METTL15: variants seen among roughly 807,000 people sequenced by gnomAD.
METTL15 encodes the protein methyltransferase 15, mitochondrial 12S rRNA N4-cytidine.
Under a neutral mutation model 38.3 loss-of-function variants are expected in METTL15, and 34 were observed. That is an observed-to-expected ratio of 0.89 (90% confidence interval 0.68 to 1.18). The LOEUF (loss-of-function observed/expected upper bound fraction) is 1.18. Ranked by LOEUF, METTL15 falls within the 50% of genes most tolerant of loss-of-function variation. The pLI, the probability that METTL15 is intolerant of heterozygous loss-of-function variation, is 0.00. For missense variants in METTL15, 438 were observed against 498.4 expected, an observed-to-expected ratio of 0.88 and a Z score of 1.15; for synonymous variants, 162 against 170.9, an observed-to-expected ratio of 0.95 and a Z score of 0.41.
intron 4 of METTL15, among the ~76,000 whole-genome samples, chr11:28,356,654 A>C (rs1444889771): frequency 6.6e-6 from 1 of 152,208 alleles, no homozygotes. Context: ...AGGCAGTGGC[A>C]TGAATTCTCA....
chr11:28,155,553 A>G (rs1850234999), intron 3 of METTL15, among the ~76,000 whole-genome samples: 1 of 152,146 alleles, frequency 6.6e-6, no homozygotes, highest in Admixed American at 6.5e-5. Context: ...TTAATGGCTT[A>G]TGGACCCTCT....
At chr11:28,144,376 T>C (rs142683819) in intron 3 of METTL15, among the ~76,000 whole-genome samples, 71 of 152,314 alleles carry the variant, frequency 4.7e-4, no homozygotes, top group Non-Finnish European at 9.9e-4. Context: ...AGGACTGCAG[T>C]GTACTTGGAC....
intron 3 of METTL15, among the ~76,000 whole-genome samples, chr11:28,179,420 A>G (rs1184586189): frequency 6.6e-6 from 1 of 151,768 alleles, no homozygotes; most frequent in Non-Finnish European, 1.5e-5. Flanking sequence ...TACTCAAATG[A>G]AGATATGTAA....
At chr11:28,325,285 A>C (rs1849597803) in intron 6 of METTL15, among the ~76,000 whole-genome samples, 2 of 152,190 alleles carry the variant, frequency 1.3e-5, no homozygotes, top group Non-Finnish European at 2.9e-5. Flanking sequence ...CAAGATGTAA[A>C]CATCCTACCT....
At chr11:28,506,760 T>A (rs898245068) in intron 6 of METTL15, among the ~76,000 whole-genome samples, 2 of 102,412 alleles carry the variant, frequency 2.0e-5, no homozygotes, top group African/African-American at 6.6e-5. Context: ...TTTTTTTTTT[T>A]TTGAGACAGA....
At chr11:28,465,258 C>A (rs1419493722) in intron 6 of METTL15, among the ~76,000 whole-genome samples, 1 of 152,076 alleles carries the variant, frequency 6.6e-6, no homozygotes, top group African/African-American at 2.4e-5. Flanking sequence ...GAGTTTTCTT[C>A]TTCTTTCATT....
intron 5 of METTL15, among the ~76,000 whole-genome samples, chr11:28,373,396 T>C (rs1225515067): frequency 6.6e-6 from 1 of 152,096 alleles, no homozygotes; most frequent in Non-Finnish European, 1.5e-5. Context: ...TTTTCATGTG[T>C]TTTTTGGCTG....
intron 5 of METTL15, among the ~76,000 whole-genome samples, chr11:28,412,068 C>T (rs1322596274): frequency 6.6e-6 from 1 of 151,814 alleles, no homozygotes; most frequent in African/African-American, 2.4e-5. Flanking sequence ...GTAAGGGTGG[C>T]TATTATCAAA....
At position 28,110,162 on chromosome 11, in the gene METTL15, C is replaced by T. The variant is rs1222406168; in HGVS notation, c.-253-4C>T. On this transcript the variant is annotated splice_region_variant and splice_polypyrimidine_tract_variant and intron_variant, in intron 1 of 6. Transcript: ENST00000407364. ...AATAGTGAGGTCTTATTTATTTCCCCCAGGAAAGTCGTTTGGAAACCCCAG... is the reference window on the plus strand; with the variant it reads ...AATAGTGAGGTCTTATTTATTTCCCTCAGGAAAGTCGTTTGGAAACCCCAG... The T allele has an allele frequency of 6.6e-6, 1 of 152,186 alleles. No individual in the cohort carries two copies. The highest frequency in any genetic ancestry group is 1.5e-5 in the Non-Finnish European group (1 of 68,018). The allele number at this position is 152,186 out of a possible 1,614,324, so 9.4% of individuals were successfully genotyped here. A position where few individuals can be genotyped will look rare whatever the true frequency, so the allele number is the denominator to read the frequency against.
intron 5 of METTL15, among the ~76,000 whole-genome samples, chr11:28,295,073 A>C (rs1856681155): frequency 6.6e-6 from 1 of 152,096 alleles, no homozygotes. Context: ...CAAATAGGTC[A>C]GTTTTAGCAG....
chr11:28,348,372 C>T (rs1449228239), intron 3 of METTL15, among the ~76,000 whole-genome samples: 1 of 152,074 alleles, frequency 6.6e-6, no homozygotes, highest in Non-Finnish European at 1.5e-5. Flanking sequence ...TATTGAATTT[C>T]TTCTTATTAT....
chr11:28,310,999 TGTGTGAGAGA>T (rs1178567749), intron 6 of METTL15, among the ~76,000 whole-genome samples: 4 of 144,698 alleles, frequency 2.8e-5, no homozygotes, highest in African/African-American at 8.1e-5. Flanking sequence ...TGTGTGTGTG[TGTGTGAGAGA>T]GAGAGAGAGA....
intron 6 of METTL15, among the ~76,000 whole-genome samples, chr11:28,479,969 G>A (rs953365607): frequency 5.3e-5 from 8 of 152,090 alleles, no homozygotes; most frequent in South Asian, 2.1e-4. Context: ...ATGAATGAGT[G>A]TAGTTCCAAC....
chr11:28,423,966 A>G (rs539163866), intron 5 of METTL15, among the ~76,000 whole-genome samples: 36 of 152,258 alleles, frequency 2.4e-4, no homozygotes, highest in African/African-American at 8.7e-4. Flanking sequence ...CATATACCCC[A>G]TAAACATATA....
chr11:28,458,470 A>C (rs1851188339), intron 6 of METTL15, among the ~76,000 whole-genome samples: 1 of 152,208 alleles, frequency 6.6e-6, no homozygotes, highest in South Asian at 2.1e-4. Context: ...ATTTGAACCT[A>C]GTCTTCTCTT....
intron 4 of METTL15, among the ~76,000 whole-genome samples, chr11:28,240,279 A>G (rs549958539): frequency 6.6e-6 from 1 of 152,336 alleles, no homozygotes; most frequent in South Asian, 2.1e-4. Flanking sequence ...TTGTTCGTAA[A>G]TATTTGTTAA....
chr11:28,235,556 C>A (rs1853917244), intron 4 of METTL15, among the ~76,000 whole-genome samples: 2 of 152,084 alleles, frequency 1.3e-5, no homozygotes, highest in African/African-American at 4.8e-5. Flanking sequence ...GTATTTTATT[C>A]TCTTTGAAGC....
At chr11:28,318,704 T>C (rs1217786226) in intron 6 of METTL15, among the ~76,000 whole-genome samples, 1 of 150,028 alleles carries the variant, frequency 6.7e-6, no homozygotes, top group East Asian at 1.9e-4. Flanking sequence ...TCTCCTCATC[T>C]TGCTTAACTG....
chr11:28,216,467 T>A (rs1852875250), intron 4 of METTL15, among the ~76,000 whole-genome samples: 1 of 152,164 alleles, frequency 6.6e-6, no homozygotes, highest in Non-Finnish European at 1.5e-5. Flanking sequence ...GATTCAAGAA[T>A]AACTTCTAGA....
Sources: allele counts gnomAD v4.1 joint callset (sites outside exome capture counted in the v4.1 genomes callset), GRCh38; gene constraint gnomAD v4.1.1; transcripts MANE v1.5; gene names NCBI Gene and HGNC (gene_info 2026-07-23, HGNC 2026-07-21).